FAM170B: variants seen among roughly 807,000 people sequenced by gnomAD.
FAM170B encodes family with sequence similarity 170 member B.
Under a neutral mutation model 3.9 loss-of-function variants are expected in FAM170B, and 4 were observed. The observed-to-expected ratio is 1.01, with a 90% CI of 0.50 to 2.32. The LOEUF (loss-of-function observed/expected upper bound fraction) is 2.32, where lower values mean the gene tolerates loss of function less well. Among genes scored for constraint, FAM170B ranks in the 30% most tolerant of loss-of-function variants. FAM170B has a pLI of 0.02. For missense variants in FAM170B, 417 were observed against 368.6 expected (o/e 1.13, Z -1.07); for synonymous variants, 163 against 149.8 (o/e 1.09, Z -0.64).
At position 49,132,302 on chromosome 10, in the gene FAM170B, G is replaced by C. The variant is rs994280605; in HGVS notation, c.163C>G (p.Arg55Gly). 6.4e-7 allele frequency: 1 copy of C among 1,550,844 alleles called. No homozygotes were observed. Among genetic ancestry groups the C allele is most frequent in the Non-Finnish European group, 8.7e-7 (1 of 1,146,886 alleles). The stretch of plus-strand genomic sequence containing the variant: ...GCAGCGAAGTAGAGGCCCTCCTCCC[G>C]GGGAATGGCAGGCCCCGGCCGTGGG... Reference protein sequence around the residue: ...SSPRPGPAIPREEGLYFAARD... With the variant: ...SSPRPGPAIPGEEGLYFAARD... Residue 55 changes from arginine (R) to glycine (G), a missense_variant, in exon 2 of 2, where the codon CGG becomes GGG. Transcript: ENST00000311787.
intron 1 of FAM170B, among the ~76,000 whole-genome samples, chr10:49,133,120 C>A (rs574464278): frequency 1.3e-5 from 2 of 152,288 alleles, no homozygotes; most frequent in South Asian, 4.1e-4. Context: ...AAAGACACCT[C>A]AGTAAAGCCC....
At position 49,131,489 on chromosome 10, in the gene FAM170B, T is replaced by C; in HGVS notation, c.*124A>G. On this transcript the variant is annotated 3_prime_UTR_variant, in exon 2 of 2. Transcript: ENST00000311787. ...CTGGCCCTCCTTGCTCTACACTCCA[T>C]GCCTTTCCTTCCCCCTGACCCTGGT... 5 of 1,364,144 alleles carry C rather than the reference T, an allele frequency of 3.7e-6. No individual in the cohort carries two copies. Among genetic ancestry groups the C allele is most frequent in the Non-Finnish European group, 9.7e-7 (1 of 1,031,444 alleles). 84.5% of individuals were successfully genotyped at this position (1,364,144 alleles called of 1,614,324 possible).
Position 49,131,524 on chromosome 10 carries a change from C to A in FAM170B, c.*89G>T. ...TCCCCCTGACCCTGGTCCTCTCTCC[C>A]TGCCCTAGTGGCTCTGATACTGCTG... On this transcript the variant is annotated 3_prime_UTR_variant, in exon 2 of 2. Coordinates refer to ENST00000311787, the MANE Select transcript of FAM170B (RefSeq NM_001164484.2). 6.9e-7 allele frequency: 1 copy of A among 1,457,596 alleles called. No homozygotes were observed. 90.3% of individuals were successfully genotyped at this position (1,457,596 alleles called of 1,614,324 possible).
rs73302786 is a variant in FAM170B, at chr10:49,131,709, G to T, written c.756C>A (p.Asp252Glu). 0.21 allele frequency: 326,710 copies of T among 1,551,626 alleles called. 35,414 individuals carry two copies. Among genetic ancestry groups the T allele is most frequent in the Middle Eastern group, 0.25 (1,474 of 5,990 alleles). The change falls in exon 2 of 2, where the codon GAC becomes GAA. Residue 252 changes from aspartate to glutamate, a missense_variant. Asp to Glu is a conservative substitution (Grantham distance 45). Coordinates refer to ENST00000311787, the MANE Select transcript of FAM170B (RefSeq NM_001164484.2). ...GACTCTGCTCCTCCTCCAGCTGTTG[G>T]TCATGTGCTTGGCCCTGAGCCCGCC... The part of the protein sequence containing the change: ...ERRRAQGQAH[D>E]QQLEEEQSPS...
chr10:49,133,455 G>A (rs1845211957), intron 1 of FAM170B, among the ~76,000 whole-genome samples: 1 of 152,176 alleles, frequency 6.6e-6, no homozygotes, highest in South Asian at 2.1e-4. Flanking sequence ...TCAAATTGAT[G>A]TTCTAGATTA....
chr10:49,131,588 C>A lies in FAM170B; in HGVS notation c.*25G>T, dbSNP rs1429490453. 1 of 1,534,896 alleles carries A rather than the reference C, an allele frequency of 6.5e-7. No homozygotes were observed. Among genetic ancestry groups the A allele is most frequent in the African/African-American group, 1.4e-5 (1 of 72,854 alleles). On this transcript the variant is annotated 3_prime_UTR_variant, in exon 2 of 2. Transcript: ENST00000311787. ...CAGTCCCAGGCCCTGGAGGTGAGGG[C>A]AGGGTTGGGTATCTCCCCTCTGGCT...
At chr10:49,132,502 T>G in intron 1 of FAM170B, 150 bp from the exon 2 acceptor site, 1 of 813,586 alleles carries the variant, frequency 1.2e-6, no homozygotes, top group Non-Finnish European at 1.9e-6. Context: ...AAAATGAAGA[T>G]GGTGATAATG....
chr10:49,131,937 C>A lies in FAM170B; in HGVS notation c.528G>T (p.Glu176Asp). The A allele has an allele frequency of 6.4e-7, 1 of 1,550,424 alleles. No individual in the cohort carries two copies. The highest frequency in any genetic ancestry group is 8.7e-7 in the Non-Finnish European group (1 of 1,146,984). ...LEACKSNCSP[E>D]PEDIDLLECC... is the part of the protein sequence containing the mutation. ...ACTCCAGCAGGTCTATGTCCTCGGG[C>A]TCGGGGCTGCAGTTGCTCTTGCAGG... is the stretch of plus-strand genomic sequence containing the variant. The change falls in exon 2 of 2, where the codon GAG becomes GAT. Residue 176 changes from glutamate (E) to aspartate (D), a missense_variant. By Grantham distance (45) the Glu-to-Asp change is conservative. Coordinates refer to ENST00000311787, the MANE Select transcript of FAM170B (RefSeq NM_001164484.2).
intron 1 of FAM170B, among the ~76,000 whole-genome samples, chr10:49,132,686 A>G (rs1218470540): frequency 6.6e-6 from 1 of 152,130 alleles, no homozygotes; most frequent in East Asian, 1.9e-4. Context: ...AAGACCATCA[A>G]CTGGGGAATA....
rs777003617 is a variant in FAM170B, at chr10:49,134,000, G to A, written c.-82C>T. Reference sequence around the variant, plus strand: ...GGGGCTGTACTGAAGGCCTCCAGCTGGCCCCAGCCAGAGTGGACACTGAGC... The same window carrying A: ...GGGGCTGTACTGAAGGCCTCCAGCTAGCCCCAGCCAGAGTGGACACTGAGC... On this transcript the variant is annotated 5_prime_UTR_variant, in exon 1 of 2. Transcript: ENST00000311787. The A allele has an allele frequency of 2.1e-4, 235 of 1,119,206 alleles. 1 individual carries two copies. The highest frequency in any genetic ancestry group is 2.6e-4 in the Admixed American group (13 of 50,218). 69.3% of individuals were successfully genotyped at this position (1,119,206 alleles called of 1,614,324 possible). A position where few individuals can be genotyped will look rare whatever the true frequency, so the allele number is the denominator to read the frequency against.
chr10:49,133,054 C>A (rs998189343), intron 1 of FAM170B, among the ~76,000 whole-genome samples: 4 of 152,152 alleles, frequency 2.6e-5, no homozygotes, highest in Admixed American at 2.0e-4. Flanking sequence ...CACAAATGTA[C>A]ATGTGTCAAA....
At chr10:49,132,722 A>G (rs953538322) in intron 1 of FAM170B, among the ~76,000 whole-genome samples, 3 of 152,160 alleles carry the variant, frequency 2.0e-5, no homozygotes, top group Admixed American at 6.5e-5. Flanking sequence ...GTGTATCCAT[A>G]TGATGCAACC....
Position 49,131,552 on chromosome 10 carries a change from T to G in FAM170B, c.*61A>C, listed in dbSNP as rs1375438747. ...CCCTAGTGGCTCTGATACTGCTGGC[T>G]GGGGAAGGAGCAGTCCCAGGCCCTG... On this transcript the variant is annotated 3_prime_UTR_variant, in exon 2 of 2. Coordinates refer to ENST00000311787, the MANE Select transcript of FAM170B (RefSeq NM_001164484.2). 6.8e-6 allele frequency: 10 copies of G among 1,480,072 alleles called. No homozygotes were observed. The African/African-American group carries it at 9.8e-5, about 15-fold the overall frequency. 91.7% of individuals were successfully genotyped at this position (1,480,072 alleles called of 1,614,324 possible).
Position 49,131,340 on chromosome 10 carries a change from C to G in FAM170B, c.*273G>C, listed in dbSNP as rs1469846365. The G allele has an allele frequency of 9.7e-6, 4 of 411,408 alleles. No homozygotes were observed. Among genetic ancestry groups the G allele is most frequent in the Non-Finnish European group, 1.7e-5 (4 of 232,242 alleles). 25.5% of individuals were successfully genotyped at this position (411,408 alleles called of 1,614,324 possible). A position where few individuals can be genotyped will look rare whatever the true frequency, so the allele number is the denominator to read the frequency against. ...AAAAATAGAAATCCCTCTGGCCATGCGTTTGTGGGTTTCAGATGTTGTGCC... is the reference window on the plus strand; with the variant it reads ...AAAAATAGAAATCCCTCTGGCCATGGGTTTGTGGGTTTCAGATGTTGTGCC... On this transcript the variant is annotated 3_prime_UTR_variant, in exon 2 of 2. Transcript: ENST00000311787.
chr10:49,131,629 T>G lies in FAM170B; in HGVS notation c.836A>C (p.Gln279Pro). The G allele has an allele frequency of 6.4e-7, 1 of 1,551,386 alleles. No homozygotes were observed. ...RPQGEVLSAQ[Q>P]QEKQ is the part of the protein sequence containing the mutation. ...CCCTCTGGCTCACTGCTTCTCCTGC[T>G]GCTGTGCTGAGAGCACCTCACCCTG... Residue 279 changes from glutamine (Q) to proline (P), a missense_variant, in exon 2 of 2, where the codon CAG (glutamine) becomes CCG (proline). Coordinates refer to ENST00000311787, the MANE Select transcript of FAM170B (RefSeq NM_001164484.2).
At chr10:49,132,747 A>G (rs1330718913) in intron 1 of FAM170B, among the ~76,000 whole-genome samples, 1 of 152,136 alleles carries the variant, frequency 6.6e-6, no homozygotes, top group Non-Finnish European at 1.5e-5. Flanking sequence ...AAATCCATGA[A>G]CCACTGAGAC....
Position 49,132,066 on chromosome 10 carries a change from G to A in FAM170B, c.399C>T (p.Thr133=). The A allele has an allele frequency of 6.4e-7, 1 of 1,551,724 alleles. No homozygotes were observed. Among genetic ancestry groups the A allele is most frequent in the Non-Finnish European group, 8.7e-7 (1 of 1,146,990 alleles). The change falls in exon 2 of 2, where the codon ACC becomes ACT. Residue 133 remains threonine, a synonymous_variant. Transcript: ENST00000311787. The stretch of plus-strand genomic sequence containing the variant: ...GGGCTTCATGGATGCGGGGCTTCCT[G>A]GTGACCGGCTCGAAGCCGGCCTCCG... ...WETEAGFEPV[T]RKPRIHEAQF... is the part of the protein sequence containing the mutation.
At position 49,132,339 on chromosome 10, in the gene FAM170B, T is replaced by C. The variant is rs911123313; in HGVS notation, c.126A>G (p.Arg42=). 1.1e-5 allele frequency: 17 copies of C among 1,545,662 alleles called. No homozygotes were observed. Among genetic ancestry groups the C allele is most frequent in the Non-Finnish European group, 1.4e-5 (16 of 1,145,152 alleles). The change falls in exon 2 of 2, where the codon AGA becomes AGG. Residue 42 remains arginine, a synonymous_variant. Coordinates refer to ENST00000311787, the MANE Select transcript of FAM170B (RefSeq NM_001164484.2). ...GCCCCGGCCGTGGGGACGACCCTTC[T>C]CTCTGTATAGTCCCTGAGAAGCAGA... is the stretch of plus-strand genomic sequence containing the variant. The part of the protein sequence containing the change: ...VEVFWPGTIQ[R]EGSSPRPGPA...
At position 49,131,263 on chromosome 10, in the gene FAM170B, G is replaced by A. The variant is rs781465148; in HGVS notation, c.*350C>T. 8.2e-6 allele frequency: 2 copies of A among 243,730 alleles called. No homozygotes were observed. The highest frequency in any genetic ancestry group is 1.6e-5 in the Non-Finnish European group (2 of 126,296). 15.1% of individuals were successfully genotyped at this position (243,730 alleles called of 1,614,324 possible). On this transcript the variant is annotated 3_prime_UTR_variant, in exon 2 of 2. Coordinates refer to ENST00000311787, the MANE Select transcript of FAM170B (RefSeq NM_001164484.2). ...GCTGGAGAGTAATTTGCAGTTGGCT[G>A]TCCTGTGACCCACATATACTTAGCA...
Sources: gnomAD v4.1 joint callset for allele counts (sites outside exome capture counted in the v4.1 genomes callset) on GRCh38, gnomAD v4.1.1 for gene constraint, MANE v1.5 for transcripts, NCBI Gene and HGNC (gene_info 2026-07-23, HGNC 2026-07-21) for gene names.